Variants in LRRTM1 observed in about 807,000 individuals in gnomAD.
LRRTM1 encodes leucine rich repeat transmembrane neuronal 1.
A neutral mutation model predicts 37.3 loss-of-function variants in LRRTM1; 8 were observed. The ratio of observed to expected loss-of-function variants is 0.21; its 90% CI spans 0.13 to 0.39. The LOEUF is 0.39. LRRTM1 is among the 10% of genes least tolerant of loss of function. The pLI, the probability that LRRTM1 is intolerant of heterozygous loss-of-function variation, is 1.00. For missense variants in LRRTM1, 557 were observed against 691.0 expected, an observed-to-expected ratio of 0.81 and a Z score of 2.17; for synonymous variants, 326 against 316.8, an observed-to-expected ratio of 1.03 and a Z score of -0.31.
downstream of LRRTM1, among the ~76,000 whole-genome samples, chr2:80,300,571 T>A (rs1003800769): frequency 6.6e-6 from 1 of 152,000 alleles, no homozygotes; most frequent in Non-Finnish European, 1.5e-5. Flanking sequence ...GGGATGGTAG[T>A]GTGTGGTTCC....
chr2:80,300,793 C>T (rs1676213225), downstream of LRRTM1, among the ~76,000 whole-genome samples: 4 of 152,044 alleles, frequency 2.6e-5, no homozygotes, highest in South Asian at 6.2e-4. Flanking sequence ...AGGAGCCCTC[C>T]GTCCAATGCA....
Position 80,302,817 on chromosome 2 carries a change from G to T in LRRTM1, c.1003C>A (p.Arg335Ser), listed in dbSNP as rs368510654. 1 of 1,613,954 alleles carries T rather than the reference G, an allele frequency of 6.2e-7. No individual in the cohort carries two copies. Among genetic ancestry groups the T allele is most frequent in the Non-Finnish European group, 8.5e-7 (1 of 1,180,010 alleles). Residue 335 changes from arginine to serine, a missense_variant, in exon 2 of 2, where the codon CGC (arginine) becomes AGC (serine). By Grantham distance (110) the Arg-to-Ser change is moderately radical. Transcript: ENST00000295057. The surrounding 1 kb of genome is among the most constrained non-coding windows in gnomAD (Gnocchi z 6.4). ...GCGCACTGCAAGTTGCCATCGTAGC[G>T]CCCCTGGAAGTTGTTGAGCCACGAG... ...LASWLNNFQG[R>S]YDGNLQCASP...
At chr2:80,295,226 T>A (rs1323140442) in intron 2 of LRRTM1, among the ~76,000 whole-genome samples, 1 of 45,032 alleles carries the variant, frequency 2.2e-5, no homozygotes, top group African/African-American at 1.1e-4. Context: ...CCTGAACAAA[T>A]TTTTTTTTTT....
At chr2:80,295,980 G>A (rs1482732074) in intron 2 of LRRTM1, among the ~76,000 whole-genome samples, 1 of 152,144 alleles carries the variant, frequency 6.6e-6, no homozygotes, top group Non-Finnish European at 1.5e-5. Context: ...TCTAAGGACT[G>A]AGATCATTTC....
chr2:80,296,673 C>A (rs547437098), intron 2 of LRRTM1, among the ~76,000 whole-genome samples: 1 of 152,288 alleles, frequency 6.6e-6, no homozygotes, highest in African/African-American at 2.4e-5. Flanking sequence ...TAGATAGCAC[C>A]ATTACTTTCT....
chr2:80,302,492 A>G lies in LRRTM1; in HGVS notation c.1328T>C (p.Val443Ala). Residue 443 changes from valine to alanine, a missense_variant, in exon 2 of 2, where the codon GTC becomes GCC. By Grantham distance (64) the Val-to-Ala change is moderately conservative. This residue lies in a region of LRRTM1 where 90 missense variants were observed against 149.4 expected (regional missense o/e 0.60). Coordinates refer to ENST00000295057, the MANE Select transcript of LRRTM1 (RefSeq NM_178839.5). The surrounding 1 kb of genome is among the most constrained non-coding windows in gnomAD (Gnocchi z 6.4). ...MALIFSFLIV[V>A]LVLYVSWKCF... is the part of the protein sequence containing the mutation. ...CTTCCAGGACACGTAGAGCACCAGG[A>G]CCACGATGAGGAAGGAGAAGATGAG... is the stretch of plus-strand genomic sequence containing the variant. 13 of 1,613,846 alleles carry G rather than the reference A, an allele frequency of 8.1e-6. No individual in the cohort carries two copies. Among genetic ancestry groups the G allele is most frequent in the Non-Finnish European group, 1.0e-5 (12 of 1,180,024 alleles).
rs1676381550 is a variant in LRRTM1 at position 80,302,164 on chromosome 2, C to T, written c.*87G>A. 2 of 1,513,646 alleles carry T rather than the reference C, an allele frequency of 1.3e-6. No homozygotes were observed. Among genetic ancestry groups the T allele is most frequent in the South Asian group, 1.3e-5 (1 of 76,854 alleles). 93.8% of individuals were successfully genotyped at this position (1,513,646 alleles called of 1,614,324 possible). A position where few individuals can be genotyped will look rare whatever the true frequency, so the allele number is the denominator to read the frequency against. Reference sequence around the variant, plus strand: ...GTCAAGGAGCATATCAGAGCACAGACAAGGAGACCCCAGCCTGGTGCCCGC... The same window carrying T: ...GTCAAGGAGCATATCAGAGCACAGATAAGGAGACCCCAGCCTGGTGCCCGC... On this transcript the variant is annotated 3_prime_UTR_variant, in exon 2 of 2. Transcript: ENST00000295057. The surrounding 1 kb of genome is among the most constrained non-coding windows in gnomAD (Gnocchi z 6.4).
In LRRTM1 at chr2:80,302,670, G is replaced by C; in HGVS notation, c.1150C>G (p.Leu384Val). 1 of 1,611,636 alleles carries C rather than the reference G, an allele frequency of 6.2e-7. No homozygotes were observed. Among genetic ancestry groups the C allele is most frequent in the Non-Finnish European group, 8.5e-7 (1 of 1,179,638 alleles). The change falls in exon 2 of 2, where the codon CTG (leucine) becomes GTG (valine). Residue 384 changes from leucine (L) to valine (V), a missense_variant. Around this residue, in one of 5 missense-constraint regions of LRRTM1, gnomAD observed 89 missense variants for 80.7 expected, o/e 1.10. Transcript: ENST00000295057. The surrounding 1 kb of genome is among the most constrained non-coding windows in gnomAD (Gnocchi z 6.4). ...GTGGCCGAGCTGGCAGGGGGCCCCAGATCACTGCGGTTGGTGACGGCCGAG... is the reference window on the plus strand; with the variant it reads ...GTGGCCGAGCTGGCAGGGGGCCCCACATCACTGCGGTTGGTGACGGCCGAG... ...LLSAVTNRSDLGPPASSATTL... is the reference protein window; with the variant it reads ...LLSAVTNRSDVGPPASSATTL...
downstream of LRRTM1, chr2:80,298,747 T>C (rs1182140890): frequency 5.3e-5 from 8 of 152,346 alleles, no homozygotes; most frequent in African/African-American, 1.9e-4. Context: ...TTTTAAATGG[T>C]TGAGAAAACT....
In LRRTM1 at chr2:80,302,461, G is replaced by C. The variant is rs1472743378; in HGVS notation, c.1359C>G (p.Phe453Leu). The change falls in exon 2 of 2, where the codon TTC becomes TTG. Residue 453 changes from phenylalanine to leucine, a missense_variant. Coordinates refer to ENST00000295057, the MANE Select transcript of LRRTM1 (RefSeq NM_178839.5). The surrounding 1 kb of genome is among the most constrained non-coding windows in gnomAD (Gnocchi z 6.4). ...VLVLYVSWKC[F>L]PASLRQLRQC... ...GTCTGAGCTGCCTGAGGCTGGCTGG[G>C]AAACACTTCCAGGACACGTAGAGCA... The C allele has an allele frequency of 6.2e-7, 1 of 1,614,164 alleles. No individual in the cohort carries two copies. The highest frequency in any genetic ancestry group is 8.5e-7 in the Non-Finnish European group (1 of 1,180,044).
chr2:80,300,287 T>G (rs908235721), downstream of LRRTM1, among the ~76,000 whole-genome samples: 9 of 41,182 alleles, frequency 2.2e-4, no homozygotes, highest in African/African-American at 8.8e-4. Context: ...TTGGGGTGTG[T>G]GTGTGTGTGT....
At chr2:80,289,185 T>A (rs1675022575) in exon 3 of LRRTM1, 1 of 152,138 alleles carries the variant, frequency 6.6e-6, no homozygotes, top group Non-Finnish European at 1.5e-5. Flanking sequence ...GGACTGAATC[T>A]GTTGACAGAA....
Position 80,303,183 on chromosome 2 carries a change from C to G in LRRTM1, c.637G>C (p.Glu213Gln). ...NSFAGLFKLT[E>Q]LHLEHNDLVK... ...AAGTCGTTGTGCTCGAGGTGCAGCT[C>G]GGTGAGCTTAAACAAGCCGGCGAAA... The change falls in exon 2 of 2, where the codon GAG becomes CAG. Residue 213 changes from glutamate (E) to glutamine (Q), a missense_variant. Glu to Gln is a conservative substitution (Grantham distance 29, BLOSUM62 2). Around this residue, in one of 5 missense-constraint regions of LRRTM1, gnomAD observed 200 missense variants for 249.9 expected, o/e 0.80. Coordinates refer to ENST00000295057, the MANE Select transcript of LRRTM1 (RefSeq NM_178839.5). This position sits in a 1 kb window ranked among gnomAD's most constrained non-coding sequence, Gnocchi z 7.7. The G allele has an allele frequency of 6.2e-7, 1 of 1,614,024 alleles. No individual in the cohort carries two copies. The highest frequency in any genetic ancestry group is 8.5e-7 in the Non-Finnish European group (1 of 1,179,980).
downstream of LRRTM1, chr2:80,298,727 A>G (rs1675981741): frequency 6.6e-6 from 1 of 152,232 alleles, no homozygotes; most frequent in Admixed American, 6.5e-5. Context: ...TGATGAGTTC[A>G]GAAGAATATT....
rs1052332389 is a variant in LRRTM1, at chr2:80,303,916, G to A, written c.-59-38C>T. 9.2e-6 allele frequency: 13 copies of A among 1,406,686 alleles called. No homozygotes were observed. The highest frequency in any genetic ancestry group is 1.4e-5 in the African/African-American group (1 of 69,250). The allele number at this position is 1,406,686 out of a possible 1,614,324, so 87.1% of individuals were successfully genotyped here. A position where few individuals can be genotyped will look rare whatever the true frequency, so the allele number is the denominator to read the frequency against. On this transcript the variant is annotated intron_variant, in intron 1 of 1. Coordinates refer to ENST00000295057, the MANE Select transcript of LRRTM1 (RefSeq NM_178839.5). The surrounding 1 kb of genome is among the most constrained non-coding windows in gnomAD (Gnocchi z 7.7). ...TTATTCCGAGGGAGGGGAAGCGGGG[G>A]AGGGGGAGAAAAGGGCAAAAAATCA... is the stretch of plus-strand genomic sequence containing the variant.
At chr2:80,296,720 A>T (rs58600095) in intron 2 of LRRTM1, among the ~76,000 whole-genome samples, 1,658 of 152,262 alleles carry the variant, frequency 0.011, 26 homozygotes, top group African/African-American at 0.036. Context: ...AGCACTCTTG[A>T]CATTTTAGGT....
downstream of LRRTM1, chr2:80,298,252 T>G (rs899187509): frequency 6.6e-6 from 1 of 152,226 alleles, no homozygotes; most frequent in African/African-American, 2.4e-5. Flanking sequence ...TAATTCCTTT[T>G]TATTTGACAT....
chr2:80,299,088 A>G (rs1445563212), downstream of LRRTM1: 8 of 152,174 alleles, frequency 5.3e-5, no homozygotes, highest in African/African-American at 1.7e-4. Context: ...TGGAGGGTCA[A>G]TCCATCACAA....
At position 80,292,955 on chromosome 2, in the gene LRRTM1, G is replaced by A. The variant is rs200980483; in HGVS notation, c.*307-3760C>T. Among the ~76,000 whole-genome samples the A allele has an allele frequency of 6.6e-5, 10 of 152,238 alleles. No homozygotes were observed. The East Asian group carries it at 1.9e-3, about 29-fold the overall frequency. On this transcript the variant is annotated intron_variant and NMD_transcript_variant, in intron 2 of 2. Transcript: ENST00000417012. ...TTGAAATAATATGCAAAAAAGATCA[G>A]TATGAAACACTCAGACAAAAAATGG...
Sources: allele counts gnomAD v4.1 joint callset (sites outside exome capture counted in the v4.1 genomes callset), GRCh38; gene constraint gnomAD v4.1.1; regional missense constraint gnomAD v4.1.1; non-coding constraint Gnocchi (gnomAD v3.1); transcripts MANE v1.5; gene names NCBI Gene and HGNC (gene_info 2026-07-23, HGNC 2026-07-21).